Variants in NDRG4 observed in about 807,000 individuals in gnomAD.
NDRG4 encodes the protein NDRG family member 4, also known as protein NDRG4.
In NDRG4, 38 loss-of-function variants were observed where a neutral mutation model predicts 55.8. The ratio of observed to expected loss-of-function variants is 0.68; its 90% confidence interval spans 0.53 to 0.89. The LOEUF (loss-of-function observed/expected upper bound fraction) is 0.89, where lower values mean the gene tolerates loss of function less well. NDRG4 is among the 40% of genes least tolerant of loss of function. NDRG4 has a pLI of 0.00. For synonymous variants in NDRG4, 190 were observed against 182.7 expected (o/e 1.04, Z -0.32); for missense variants, 455 against 468.6 (o/e 0.97, Z 0.27).
intron 1 of NDRG4, among the ~76,000 whole-genome samples, chr16:58,482,786 C>T (rs2034618937): frequency 7.3e-6 from 1 of 136,912 alleles, no homozygotes; most frequent in African/African-American, 2.7e-5. Context: ...CCTTCCTTCT[C>T]TCTCTCTCTT....
At chr16:58,476,521 C>T (rs1597090293) in intron 1 of NDRG4, among the ~76,000 whole-genome samples, 1 of 151,812 alleles carries the variant, frequency 6.6e-6, no homozygotes, top group Admixed American at 6.6e-5. Flanking sequence ...TAAGATGCAC[C>T]TTTTTTTTCA....
At chr16:58,507,211 C>T (rs746629727) in intron 8 of NDRG4, 196 bp downstream of exon 8, 15 of 585,416 alleles carry the variant, frequency 2.6e-5, no homozygotes, top group African/African-American at 5.6e-5. Flanking sequence ...TTTCAGACTC[C>T]GGGCCTTGGG....
chr16:58,509,345 G>T lies in NDRG4; in HGVS notation c.858G>T (p.Met286Ile). 1.9e-6 allele frequency: 3 copies of T among 1,613,750 alleles called. No individual in the cohort carries two copies. The East Asian group carries it at 6.7e-5, about 36-fold the overall frequency. ...CCTTCAAATACTTCCTGCAAGGCAT[G>T]GGCTACAGTGAGTACATTTCCACCC... The part of the protein sequence containing the change: ...TEAFKYFLQG[M>I]GYIAYLKDRR... Residue 286 changes from methionine (M) to isoleucine (I), a missense_variant, in exon 13 of 15, where the codon ATG (methionine) becomes ATT (isoleucine). Transcript: ENST00000570248.
chr16:58,511,000 A>C (rs1167085438), intron 14 of NDRG4: 1 of 510,510 alleles, frequency 2.0e-6, no homozygotes, highest in Non-Finnish European at 3.5e-6. Context: ...TGGCCAGGAG[A>C]GTTCCGGAGG....
chr16:58,497,793 T>G (rs994023147), upstream of NDRG4, among the ~76,000 whole-genome samples: 1 of 152,004 alleles, frequency 6.6e-6, no homozygotes, highest in Non-Finnish European at 1.5e-5. Context: ...GGCCAACAAT[T>G]TGGAGAGGCA....
intron 1 of NDRG4, among the ~76,000 whole-genome samples, chr16:58,483,175 A>G (rs2034675484): frequency 6.6e-6 from 1 of 152,138 alleles, no homozygotes; most frequent in South Asian, 2.1e-4. Flanking sequence ...TGTAGGATGT[A>G]TAACTACTAC....
chr16:58,468,488 A>G (rs765878200), intron 1 of NDRG4, among the ~76,000 whole-genome samples: 3 of 152,238 alleles, frequency 2.0e-5, no homozygotes, highest in Non-Finnish European at 4.4e-5. Context: ...TGGGAGGCCC[A>G]GATGGGTGGA....
At position 58,494,445 on chromosome 16, in the gene NDRG4, A is replaced by G. The variant is rs552134876; in HGVS notation, c.73-519A>G. ...CTTGTGGCCTGATGGTCAGACCATG[A>G]AAAACATCTATGGGAGCAGAAGGGC... On this transcript the variant is annotated intron_variant, in intron 2 of 15. Transcript: ENST00000258187. Among the ~76,000 whole-genome samples, 3 of 152,192 alleles carry G rather than the reference A, an allele frequency of 2.0e-5. No individual in the cohort carries two copies. The South Asian group carries it at 6.2e-4, about 32-fold the overall frequency.
chr16:58,505,926 T>C, intron 5 of NDRG4: 1 of 262,520 alleles, frequency 3.8e-6, no homozygotes, highest in Admixed American at 5.9e-5. Flanking sequence ...TTCACCATGT[T>C]GGCTAGGCTG....
At chr16:58,470,517 A>C (rs777720700) in intron 1 of NDRG4, among the ~76,000 whole-genome samples, 1 of 152,246 alleles carries the variant, frequency 6.6e-6, no homozygotes, top group Non-Finnish European at 1.5e-5. Flanking sequence ...CTGATGTGGC[A>C]AAAGAGATTT....
intron 5 of NDRG4, among the ~76,000 whole-genome samples, chr16:58,505,593 G>A (rs1015801375): frequency 1.3e-5 from 2 of 150,148 alleles, no homozygotes; most frequent in African/African-American, 4.9e-5. Context: ...TGGTTATGCT[G>A]TTTTTCTTTA....
At chr16:58,490,954 G>A (rs1296809731) in intron 2 of NDRG4, among the ~76,000 whole-genome samples, 1 of 151,406 alleles carries the variant, frequency 6.6e-6, no homozygotes, top group Non-Finnish European at 1.5e-5. Context: ...TCCAGCCTGG[G>A]CGACAGAGCG....
chr16:58,478,728 T>C (rs1404932205), intron 1 of NDRG4, among the ~76,000 whole-genome samples: 1 of 144,526 alleles, frequency 6.9e-6, no homozygotes, highest in Admixed American at 7.2e-5. Flanking sequence ...TTTGTAAGCC[T>C]AAATATTTTT....
chr16:58,498,567 G>A (rs576400060), upstream of NDRG4, among the ~76,000 whole-genome samples: 13 of 151,918 alleles, frequency 8.6e-5, no homozygotes, highest in Non-Finnish European at 1.8e-4. Context: ...AGAGGAAGCC[G>A]GATAGGAGGC....
upstream of NDRG4, chr16:58,499,122 C>T (rs2036745010): frequency 6.5e-6 from 1 of 152,846 alleles, no homozygotes; most frequent in Admixed American, 6.5e-5. Context: ...CCTTTCTTCT[C>T]CTCTGCTCAC....
At chr16:58,475,503 G>C in intron 1 of NDRG4, 1 of 414,890 alleles carries the variant, frequency 2.4e-6, no homozygotes. Context: ...CGATAGGGTG[G>C]GTCTCCAAGA....
chr16:58,500,115 A>G (rs1597263779), upstream of NDRG4: 4 of 1,529,486 alleles, frequency 2.6e-6, no homozygotes, highest in East Asian at 7.4e-5. Flanking sequence ...GGATCCCTGT[A>G]TAAATGGCCC....
chr16:58,510,516 C>T (rs2038665631), intron 13 of NDRG4, 129 bp from the exon 14 acceptor site: 2 of 770,376 alleles, frequency 2.6e-6, no homozygotes, highest in African/African-American at 3.4e-5. Context: ...TGCCCCCAGC[C>T]TCTCTGTGCC....
upstream of NDRG4, chr16:58,500,119 A>G: frequency 3.3e-6 from 5 of 1,530,854 alleles, no homozygotes; most frequent in East Asian, 2.5e-5. Flanking sequence ...CCCTGTATAA[A>G]TGGCCCAGGA....
Sources: allele counts gnomAD v4.1 joint callset (sites outside exome capture counted in the v4.1 genomes callset), GRCh38; gene constraint gnomAD v4.1.1; transcripts MANE v1.5; gene names NCBI Gene and HGNC (gene_info 2026-07-23, HGNC 2026-07-21).